MCC: variants seen among roughly 807,000 people sequenced by gnomAD.
MCC encodes the protein MCC regulator of Wnt signaling pathway, also known as colorectal mutant cancer protein.
A neutral mutation model predicts 116.2 loss-of-function variants in MCC; 90 were observed. The observed-to-expected ratio is 0.77, with a 90% CI of 0.65 to 0.92. The LOEUF (loss-of-function observed/expected upper bound fraction) is 0.92. MCC is among the 40% of genes least tolerant of loss of function. The pLI, the probability that MCC is intolerant of heterozygous loss-of-function variation, is 0.00. For missense variants in MCC, 1,516 were observed against 1,312.2 expected (o/e 1.16, Z -2.40); for synonymous variants, 578 against 510.5 (o/e 1.13, Z -1.78).
intron 8 of MCC, among the ~76,000 whole-genome samples, chr5:113,093,023 G>C (rs1002590529): frequency 2.0e-5 from 3 of 152,214 alleles, no homozygotes; most frequent in Non-Finnish European, 4.4e-5. Context: ...CACAGGACCA[G>C]ATGTACACAC....
chr5:113,077,016 G>C (rs1396219985), intron 11 of MCC, among the ~76,000 whole-genome samples: 1 of 152,114 alleles, frequency 6.6e-6, no homozygotes, highest in Non-Finnish European at 1.5e-5. Flanking sequence ...CCTAGTCTCT[G>C]ATAAAACAGA....
At chr5:113,329,996 A>G (rs762198670) in intron 3 of MCC, among the ~76,000 whole-genome samples, 1 of 152,244 alleles carries the variant, frequency 6.6e-6, no homozygotes, top group Non-Finnish European at 1.5e-5. Flanking sequence ...CCTGAATTAC[A>G]TAAGGACAGT....
At chr5:113,294,295 G>A in intron 3 of MCC, 1 of 1,613,318 alleles carries the variant, frequency 6.2e-7, no homozygotes, top group Non-Finnish European at 8.5e-7. Context: ...AAACGCCCGA[G>A]AAACCCTAGC....
chr5:113,136,788 C>G (rs1758853820), intron 5 of MCC, among the ~76,000 whole-genome samples: 1 of 152,142 alleles, frequency 6.6e-6, no homozygotes, highest in African/African-American at 2.4e-5. Flanking sequence ...CATCTGTGAA[C>G]AGGATAATTC....
At chr5:113,137,843 G>C (rs1367246967) in intron 5 of MCC, among the ~76,000 whole-genome samples, 1 of 151,992 alleles carries the variant, frequency 6.6e-6, no homozygotes, top group Non-Finnish European at 1.5e-5. Flanking sequence ...CATTGAAAAA[G>C]GTTACCTCTC....
chr5:113,385,338 C>G (rs930423851), intron 1 of MCC, 126 bp from the exon 2 acceptor site: 6 of 997,776 alleles, frequency 6.0e-6, no homozygotes, highest in Non-Finnish European at 8.8e-6. Flanking sequence ...TCAACTTTCT[C>G]ATTGTTTCTA....
intron 2 of MCC, among the ~76,000 whole-genome samples, chr5:113,351,335 C>G (rs1768262916): frequency 6.6e-6 from 1 of 152,008 alleles, no homozygotes; most frequent in Admixed American, 6.6e-5. Flanking sequence ...TACATAAATA[C>G]AATGTACATT....
intron 3 of MCC, among the ~76,000 whole-genome samples, chr5:113,220,289 G>T (rs1483576740): frequency 6.6e-6 from 1 of 151,706 alleles, no homozygotes; most frequent in Non-Finnish European, 1.5e-5. Context: ...TCGATCTCCT[G>T]ACCTCATGAT....
intron 1 of MCC, chr5:113,433,777 C>T: frequency 6.2e-7 from 1 of 1,613,922 alleles, no homozygotes; most frequent in East Asian, 2.2e-5. Flanking sequence ...GGGGGCCCTT[C>T]CTCTGTCTCC....
At chr5:113,370,068 G>GTCAA (rs1217679348) in intron 2 of MCC, among the ~76,000 whole-genome samples, 1 of 152,190 alleles carries the variant, frequency 6.6e-6, no homozygotes, top group African/African-American at 2.4e-5. Context: ...ATATAACTTA[G>GTCAA]TCAACATCAA....
intron 1 of MCC, among the ~76,000 whole-genome samples, chr5:113,389,635 A>C (rs1769356266): frequency 6.6e-6 from 1 of 152,086 alleles, no homozygotes; most frequent in Admixed American, 6.6e-5. Context: ...TTGTTTTCAC[A>C]TATTCAATCC....
chr5:113,103,119 A>T (rs965414887), intron 7 of MCC, among the ~76,000 whole-genome samples: 1 of 152,132 alleles, frequency 6.6e-6, no homozygotes, highest in African/African-American at 2.4e-5. Context: ...GTCTAAAAAA[A>T]AATAATAAAA....
chr5:113,473,966 G>C (rs572438568), intron 1 of MCC, among the ~76,000 whole-genome samples: 1 of 152,280 alleles, frequency 6.6e-6, no homozygotes, highest in Admixed American at 6.5e-5. Flanking sequence ...TGATTAGAAA[G>C]TGATGTGAGA....
At chr5:113,241,991 T>C (rs1561480338) in intron 3 of MCC, among the ~76,000 whole-genome samples, 1 of 152,180 alleles carries the variant, frequency 6.6e-6, no homozygotes, top group Non-Finnish European at 1.5e-5. Context: ...TCCAGCAGAA[T>C]AGAGAACGAC....
At chr5:113,185,284 G>C (rs1315458370) in intron 3 of MCC, among the ~76,000 whole-genome samples, 1 of 152,050 alleles carries the variant, frequency 6.6e-6, no homozygotes, top group Non-Finnish European at 1.5e-5. Context: ...ACTTTATGCA[G>C]TCAAATCTTA....
intron 1 of MCC, among the ~76,000 whole-genome samples, chr5:113,417,013 A>G (rs545191630): frequency 1.5e-5 from 2 of 129,446 alleles, no homozygotes; most frequent in South Asian, 2.3e-4. Flanking sequence ...CTCTGTTGCC[A>G]GGCTGGAGTG....
chr5:113,437,441 A>C (rs1174602377), intron 1 of MCC, among the ~76,000 whole-genome samples: 1 of 152,224 alleles, frequency 6.6e-6, no homozygotes, highest in Non-Finnish European at 1.5e-5. Context: ...ATGTCTTCCA[A>C]GGATAAAGAC....
intron 1 of MCC, among the ~76,000 whole-genome samples, chr5:113,477,618 G>C (rs1298518615): frequency 2.0e-5 from 3 of 152,198 alleles, no homozygotes; most frequent in Non-Finnish European, 4.4e-5. Flanking sequence ...GTTGAGGAGA[G>C]AGAGAACAAA....
At chr5:113,233,686 G>T (rs982058358) in intron 3 of MCC, among the ~76,000 whole-genome samples, 12 of 152,250 alleles carry the variant, frequency 7.9e-5, no homozygotes, top group African/African-American at 2.6e-4. Context: ...GATGGCAACA[G>T]CATGTCAGAA....
Sources: allele counts gnomAD v4.1 joint callset (sites outside exome capture counted in the v4.1 genomes callset), GRCh38; gene constraint gnomAD v4.1.1; transcripts MANE v1.5; gene names NCBI Gene and HGNC (gene_info 2026-07-23, HGNC 2026-07-21).